Variants in DENND5B observed in about 807,000 individuals in gnomAD.
DENND5B encodes the protein DENN domain-containing protein 5B.
Under a neutral mutation model 140.6 loss-of-function variants are expected in DENND5B, and 34 were observed. The ratio of observed to expected loss-of-function variants is 0.24; its 90% CI spans 0.18 to 0.32. The LOEUF (loss-of-function observed/expected upper bound fraction) is 0.32. Ranked by LOEUF, DENND5B falls within the 10% of genes least tolerant of loss-of-function variation. DENND5B has a pLI of 1.00. For missense variants in DENND5B, 1,142 were observed against 1,560.2 expected, an observed-to-expected ratio of 0.73 and a Z score of 4.52; for synonymous variants, 551 against 562.1, an observed-to-expected ratio of 0.98 and a Z score of 0.28.
In DENND5B at chr12:31,447,580, G is replaced by A; in HGVS notation, c.1819C>T (p.Arg607Trp). 5.6e-6 allele frequency: 9 copies of A among 1,613,736 alleles called. No individual in the cohort carries two copies. The highest frequency in any genetic ancestry group is 2.2e-5 in the East Asian group (1 of 44,872). Residue 607 changes from arginine (R) to tryptophan (W), a missense_variant, in exon 6 of 21, where the codon CGG (arginine) becomes TGG (tryptophan). Coordinates refer to ENST00000389082, the MANE Select transcript of DENND5B (RefSeq NM_144973.4). ...CTGCATTTCTGATATATAGATGTCC[G>A]CAAGGTGGGTGCCCTTACATTATAC... ...RLYNVRAPTL[R>W]TSIYQKCSTL...
chr12:31,532,746 A>G (rs1003307300), intron 1 of DENND5B, among the ~76,000 whole-genome samples: 1 of 152,220 alleles, frequency 6.6e-6, no homozygotes, highest in African/African-American at 2.4e-5. Flanking sequence ...TGGCTTTGGC[A>G]ACTAGTTAGA....
chr12:31,576,845 G>A (rs1157312278), intron 1 of DENND5B, among the ~76,000 whole-genome samples: 1 of 151,904 alleles, frequency 6.6e-6, no homozygotes, highest in African/African-American at 2.4e-5. Context: ...CCTGCAGTGA[G>A]CTATGATCAC....
At chr12:31,408,122 C>T (rs1350114934) in intron 14 of DENND5B, among the ~76,000 whole-genome samples, 1 of 151,592 alleles carries the variant, frequency 6.6e-6, no homozygotes, top group African/African-American at 2.4e-5. Context: ...ATGGTGAAAC[C>T]CTGTCTCCAC....
chr12:31,429,036 C>T lies in DENND5B; in HGVS notation c.2107-2612G>A, dbSNP rs563902168. Among the ~76,000 whole-genome samples, 20 of 149,930 alleles carry T rather than the reference C, an allele frequency of 1.3e-4. No individual in the cohort carries two copies. In the South Asian group the frequency reaches 1.7e-3, roughly 13 times the overall value. On this transcript the variant is annotated intron_variant, in intron 8 of 20. Transcript: ENST00000389082. ...GTGAGCCACTGCACCCGGCCACGCC[C>T]GGCTAATTTTTATATTTTTAAGAGA...
chr12:31,460,818 C>T (rs556171444), intron 3 of DENND5B, among the ~76,000 whole-genome samples: 2 of 152,030 alleles, frequency 1.3e-5, no homozygotes, highest in South Asian at 4.2e-4. Flanking sequence ...CTCCACATCT[C>T]GGATTCAAGC....
intron 2 of DENND5B, among the ~76,000 whole-genome samples, chr12:31,491,681 TTTAC>T (rs1236869662): frequency 1.3e-5 from 2 of 152,210 alleles, no homozygotes; most frequent in Non-Finnish European, 2.9e-5. Context: ...TTCTGTGATA[TTTAC>T]TTTTTTTCAT....
At chr12:31,549,008 G>A (rs1240397609) in intron 1 of DENND5B, among the ~76,000 whole-genome samples, 2 of 152,058 alleles carry the variant, frequency 1.3e-5, no homozygotes, top group African/African-American at 4.8e-5. Context: ...TGATCCTCCT[G>A]CCTTAGCCTC....
chr12:31,582,548 T>C (rs1190908704), intron 1 of DENND5B, among the ~76,000 whole-genome samples: 1 of 152,254 alleles, frequency 6.6e-6, no homozygotes, highest in African/African-American at 2.4e-5. Flanking sequence ...TAAAAGCCTT[T>C]ATACAGTAAC....
chr12:31,492,483 G>A (rs1946568415), intron 2 of DENND5B, among the ~76,000 whole-genome samples: 1 of 152,156 alleles, frequency 6.6e-6, no homozygotes, highest in African/African-American at 2.4e-5. Context: ...CAGGCATGGT[G>A]CCACCACACC....
At chr12:31,515,260 G>A (rs900119349) in intron 1 of DENND5B, among the ~76,000 whole-genome samples, 2 of 152,176 alleles carry the variant, frequency 1.3e-5, no homozygotes, top group Non-Finnish European at 2.9e-5. Context: ...AGCTATGATT[G>A]TGCCACTGCA....
intron 7 of DENND5B, among the ~76,000 whole-genome samples, 195 bp downstream of exon 7, chr12:31,442,578 CTT>C (rs879136415): frequency 1.4e-5 from 2 of 143,320 alleles, no homozygotes; most frequent in African/African-American, 5.1e-5. Context: ...TTGTTTTTTT[CTT>C]TTTTTTTTTA....
intron 2 of DENND5B, 83 bp from the exon 3 acceptor site, chr12:31,480,338 A>G: frequency 7.6e-7 from 1 of 1,312,378 alleles, no homozygotes; most frequent in Non-Finnish European, 1.0e-6. Context: ...TTTTAACATA[A>G]CAGGATTCAA....
intron 2 of DENND5B, among the ~76,000 whole-genome samples, chr12:31,490,219 G>A (rs1248016016): frequency 6.6e-6 from 1 of 150,760 alleles, no homozygotes; most frequent in Admixed American, 6.6e-5. Flanking sequence ...TATTCTAGCT[G>A]CAATGTTAAG....
At chr12:31,530,035 T>A (rs1948227161) in intron 1 of DENND5B, among the ~76,000 whole-genome samples, 1 of 152,070 alleles carries the variant, frequency 6.6e-6, no homozygotes, top group South Asian at 2.1e-4. Flanking sequence ...GTTAACTAAA[T>A]GAAAATATAC....
intron 1 of DENND5B, among the ~76,000 whole-genome samples, chr12:31,552,697 T>C (rs902611308): frequency 6.6e-6 from 1 of 152,230 alleles, no homozygotes; most frequent in Non-Finnish European, 1.5e-5. Flanking sequence ...CATCTGGTCC[T>C]GGACTTTTTT....
At chr12:31,450,291 C>T (rs141701426) in intron 5 of DENND5B, among the ~76,000 whole-genome samples, 1 of 152,304 alleles carries the variant, frequency 6.6e-6, no homozygotes, top group East Asian at 1.9e-4. Context: ...AAACAAAGAA[C>T]ACCAGAACGT....
At chr12:31,395,807 T>C (rs888276191) in intron 17 of DENND5B, among the ~76,000 whole-genome samples, 6 of 151,936 alleles carry the variant, frequency 3.9e-5, no homozygotes, top group Non-Finnish European at 4.4e-5. Flanking sequence ...GATTTTTCCC[T>C]AAATACCGCC....
chr12:31,458,337 G>C (rs1342554976), intron 4 of DENND5B, among the ~76,000 whole-genome samples: 1 of 152,120 alleles, frequency 6.6e-6, no homozygotes, highest in Non-Finnish European at 1.5e-5. Flanking sequence ...ATACAAAATA[G>C]ATCAGTCACT....
intron 1 of DENND5B, among the ~76,000 whole-genome samples, chr12:31,577,580 G>A (rs902393078): frequency 7.4e-5 from 11 of 149,554 alleles, no homozygotes; most frequent in African/African-American, 9.9e-5. Context: ...GCGTGGTGGC[G>A]GGCGCCTGTA....
Sources: gnomAD v4.1 joint callset for allele counts (sites outside exome capture counted in the v4.1 genomes callset) on GRCh38, gnomAD v4.1.1 for gene constraint, MANE v1.5 for transcripts, NCBI Gene and HGNC (gene_info 2026-07-23, HGNC 2026-07-21) for gene names.